Variants in GALNT2 observed in about 807,000 individuals in gnomAD.
The protein encoded by GALNT2 is UDP-GalNAc:polypeptide N-acetylgalactosaminyltransferase 2.
GALNT2 carries 31 observed loss-of-function variants against 81.4 expected under a neutral mutation model. That is an observed-to-expected ratio of 0.38 (90% CI 0.29 to 0.51). GALNT2 has a LOEUF of 0.51. Among genes scored for constraint, GALNT2 ranks in the 20% least tolerant of loss-of-function variants. The pLI, the probability that GALNT2 is intolerant of heterozygous loss-of-function variation, is 0.87. For synonymous variants in GALNT2, 303 were observed against 287.4 expected, an observed-to-expected ratio of 1.05 and a Z score of -0.55; for missense variants, 629 against 765.7, an observed-to-expected ratio of 0.82 and a Z score of 2.11.
intron 3 of GALNT2, among the ~76,000 whole-genome samples, chr1:230,222,729 TTTAA>T (rs1443020107): frequency 6.6e-6 from 1 of 152,246 alleles, no homozygotes; most frequent in Non-Finnish European, 1.5e-5. Flanking sequence ...TGTAGCTACC[TTTAA>T]TTGAGATTTT....
rs764078856 is a variant in GALNT2, at chr1:230,249,250, GGA to G, written c.885_886del (p.Asn296ProfsTer19). ...CCTGAGCAGAGAAGGTCCCGGCAGG[GGA>G]ACCCAGTCGCCCCTATAAAGTAAGT... On this transcript the variant is annotated frameshift_variant, in exon 9 of 16. Coordinates refer to ENST00000366672, the MANE Select transcript of GALNT2 (RefSeq NM_004481.5). LOFTEE classifies it high-confidence loss of function. 1 of 1,614,100 alleles carries G rather than the reference GGA, an allele frequency of 6.2e-7. No individual in the cohort carries two copies. The highest frequency in any genetic ancestry group is 1.7e-5 in the Admixed American group (1 of 60,024).
intron 1 of GALNT2, among the ~76,000 whole-genome samples, chr1:230,169,054 T>C (rs1219479773): frequency 6.6e-6 from 1 of 152,146 alleles, no homozygotes; most frequent in Non-Finnish European, 1.5e-5. Flanking sequence ...TGGGGTTTGT[T>C]TGATGTTTTT....
intron 3 of GALNT2, among the ~76,000 whole-genome samples, chr1:230,210,312 TTTC>T (rs1366907624): frequency 6.6e-6 from 1 of 152,238 alleles, no homozygotes; most frequent in Non-Finnish European, 1.5e-5. Context: ...TTTTCTTTGT[TTTC>T]TTCTTTCCCC....
intron 1 of GALNT2, among the ~76,000 whole-genome samples, chr1:230,079,318 G>C (rs1339413303): frequency 6.6e-6 from 1 of 152,260 alleles, no homozygotes; most frequent in Non-Finnish European, 1.5e-5. Context: ...AAATGCTTTA[G>C]AGCCATTGCT....
intron 1 of GALNT2, among the ~76,000 whole-genome samples, chr1:230,123,520 T>C (rs747730681): frequency 8.5e-5 from 13 of 152,158 alleles, no homozygotes; most frequent in Admixed American, 2.6e-4. Flanking sequence ...GTGTGTGTGT[T>C]GCCCGCACAG....
intron 1 of GALNT2, among the ~76,000 whole-genome samples, chr1:230,138,263 G>A (rs530484590): frequency 6.3e-4 from 96 of 152,156 alleles, no homozygotes; most frequent in African/African-American, 2.0e-3. Context: ...GGCTCAGAGC[G>A]CCTGTATTCC....
intron 2 of GALNT2, among the ~76,000 whole-genome samples, chr1:230,191,746 C>T (rs539004289): frequency 2.0e-5 from 3 of 152,376 alleles, no homozygotes; most frequent in African/African-American, 7.2e-5. Context: ...CTCCTGAGCC[C>T]AAGTGATCCC....
chr1:230,079,041 C>A (rs965109246), intron 1 of GALNT2, among the ~76,000 whole-genome samples: 21 of 152,178 alleles, frequency 1.4e-4, no homozygotes, highest in Admixed American at 1.3e-3. Flanking sequence ...AGTCTTTCTG[C>A]CAGATTTTTC....
chr1:230,118,108 T>C (rs1417310223), intron 1 of GALNT2, among the ~76,000 whole-genome samples: 2 of 152,236 alleles, frequency 1.3e-5, no homozygotes, highest in African/African-American at 4.8e-5. Context: ...CCTTTTCAAA[T>C]TGGCTTCTTT....
At chr1:230,136,686 C>T (rs543767776) in intron 1 of GALNT2, among the ~76,000 whole-genome samples, 12 of 152,318 alleles carry the variant, frequency 7.9e-5, no homozygotes, top group Admixed American at 2.0e-4. Context: ...ACGGGGGCAA[C>T]GTTCCGCTTT....
In GALNT2 at chr1:230,279,628, C is replaced by T; in HGVS notation, c.*170C>T. On this transcript the variant is annotated 3_prime_UTR_variant, in exon 16 of 16. Coordinates refer to ENST00000366672, the MANE Select transcript of GALNT2 (RefSeq NM_004481.5). This position sits in a 1 kb window ranked among gnomAD's most constrained non-coding sequence, Gnocchi z 4.6. Reference sequence around the variant, plus strand: ...GGCACGGACGACTGTGCAGACACAGCAGCGGCAAGAAGCGAGAACTGCCCT... The same window carrying T: ...GGCACGGACGACTGTGCAGACACAGTAGCGGCAAGAAGCGAGAACTGCCCT... 1.2e-6 allele frequency: 1 copy of T among 836,212 alleles called. No individual in the cohort carries two copies. The highest frequency in any genetic ancestry group is 1.8e-6 in the Non-Finnish European group (1 of 551,370). The allele number at this position is 836,212 out of a possible 1,614,324, so 51.8% of individuals were successfully genotyped here. A position where few individuals can be genotyped will look rare whatever the true frequency, so the allele number is the denominator to read the frequency against.
intron 1 of GALNT2, among the ~76,000 whole-genome samples, chr1:230,154,666 A>G (rs1363709272): frequency 2.0e-5 from 3 of 152,170 alleles, no homozygotes; most frequent in African/African-American, 7.2e-5. Flanking sequence ...CGTGGAGGGA[A>G]GACAGTGACA....
rs556620069 is a variant in GALNT2, at chr1:230,276,026, C to T, written c.1560+1462C>T. On this transcript the variant is annotated intron_variant, in intron 15 of 15. Coordinates refer to ENST00000366672, the MANE Select transcript of GALNT2 (RefSeq NM_004481.5). Reference sequence around the variant, plus strand: ...TATATATACGTATATATACATGCCACATATATATACGTATATACATGCCAC... The same window carrying T: ...TATATATACGTATATATACATGCCATATATATATACGTATATACATGCCAC... 3.6e-4 allele frequency among the ~76,000 whole-genome samples: 22 copies of T among 60,394 alleles called. 1 individual carries two copies. The highest frequency in any genetic ancestry group is 1.9e-3 in the Admixed American group (13 of 6,704). The allele number at this position is 60,394 out of a possible 152,430, so 39.6% of individuals were successfully genotyped here. A position where few individuals can be genotyped will look rare whatever the true frequency, so the allele number is the denominator to read the frequency against.
At chr1:230,233,381 A>G (rs1664926478) in intron 3 of GALNT2, among the ~76,000 whole-genome samples, 1 of 152,204 alleles carries the variant, frequency 6.6e-6, no homozygotes, top group Non-Finnish European at 1.5e-5. Context: ...TTGGGAGGCC[A>G]AGGCAGGCAG....
At chr1:230,161,688 G>T (rs1662442904) in intron 1 of GALNT2, among the ~76,000 whole-genome samples, 1 of 152,162 alleles carries the variant, frequency 6.6e-6, no homozygotes, top group East Asian at 1.9e-4. Flanking sequence ...GCCTTTGGCG[G>T]GTGACTCACA....
rs1666274830 is a variant in GALNT2 at position 230,275,540 on chromosome 1, T to C, written c.1560+976T>C. Among the ~76,000 whole-genome samples the C allele has an allele frequency of 6.6e-6, 1 of 151,152 alleles. No individual in the cohort carries two copies. Among genetic ancestry groups the C allele is most frequent in the African/African-American group, 2.4e-5 (1 of 41,052 alleles). On this transcript the variant is annotated intron_variant, in intron 15 of 15. Coordinates refer to ENST00000366672, the MANE Select transcript of GALNT2 (RefSeq NM_004481.5). This position sits in a 1 kb window ranked among gnomAD's most constrained non-coding sequence, Gnocchi z 5.5. ...CATATATATACATGCCACATAGATA[T>C]ACATATATAAACGCCACATATATAT... is the stretch of plus-strand genomic sequence containing the variant.
At chr1:230,199,592 G>T (rs1212778526) in intron 2 of GALNT2, among the ~76,000 whole-genome samples, 1 of 152,166 alleles carries the variant, frequency 6.6e-6, no homozygotes, top group Non-Finnish European at 1.5e-5. Context: ...TGTGACACCT[G>T]GGTCACAGTG....
At chr1:230,175,440 T>C (rs1662938950) in intron 1 of GALNT2, among the ~76,000 whole-genome samples, 2 of 152,168 alleles carry the variant, frequency 1.3e-5, no homozygotes, top group African/African-American at 4.8e-5. Context: ...AGTAATAGCA[T>C]TGCAGGAAGA....
chr1:230,177,443 A>G (rs1353074705), intron 1 of GALNT2, among the ~76,000 whole-genome samples: 4 of 151,884 alleles, frequency 2.6e-5, no homozygotes, highest in African/African-American at 9.7e-5. Context: ...GATTTGGGTT[A>G]TATACAGAAA....
Sources: gnomAD v4.1 joint callset for allele counts (sites outside exome capture counted in the v4.1 genomes callset) on GRCh38, gnomAD v4.1.1 for gene constraint, Gnocchi (gnomAD v3.1) non-coding constraint, MANE v1.5 for transcripts, NCBI Gene and HGNC (gene_info 2026-07-23, HGNC 2026-07-21) for gene names.